The following PRH1 variants were observed in gnomAD, a reference collection of about 807,000 sequenced individuals.
PRH1 encodes salivary acidic proline-rich phosphoprotein 1/2.
A neutral mutation model predicts 7.9 loss-of-function variants in PRH1; 7 were observed. That is an observed-to-expected ratio of 0.89 (90% CI 0.50 to 1.67). PRH1 has a LOEUF of 1.67. PRH1 is among the 40% of genes most tolerant of loss of function. PRH1 has a pLI of 0.00. For synonymous variants in PRH1, 45 were observed against 80.8 expected (o/e 0.56, Z 2.38); for missense variants, 109 against 223.6 (o/e 0.49, Z 3.27).
chr12:11,020,363 G>GATATACATATAT (rs1941545268), intron 1 of PRH1, among the ~76,000 whole-genome samples: 2 of 87,584 alleles, frequency 2.3e-5, no homozygotes, highest in African/African-American at 7.8e-5. Context: ...TATGATAAGC[G>GATATACATATAT]ATATATATAT....
intron 2 of PRH1, among the ~76,000 whole-genome samples, chr12:10,942,204 C>G (rs1950412505): frequency 6.6e-6 from 1 of 152,058 alleles, no homozygotes; most frequent in South Asian, 2.1e-4. Flanking sequence ...GGCCTCCTAC[C>G]AGGAGGTAGT....
chr12:11,148,832 T>C (rs1341084181), intron 1 of PRH1, among the ~76,000 whole-genome samples: 4 of 127,660 alleles, frequency 3.1e-5, no homozygotes, highest in Admixed American at 8.0e-5. Context: ...CCTCTTTTTC[T>C]ATTGATTGGA....
intron 1 of PRH1, chr12:11,030,935 A>AACAG: frequency 6.2e-7 from 1 of 1,614,186 alleles, no homozygotes; most frequent in South Asian, 1.1e-5. Context: ...TAAAGGCCCC[A>AACAG]ACAGCATCAC....
At chr12:10,938,598 A>T (rs772180954) in intron 2 of PRH1, 1 of 1,613,924 alleles carries the variant, frequency 6.2e-7, no homozygotes, top group Non-Finnish European at 8.5e-7. Flanking sequence ...TTCCACATGG[A>T]GAAGATGAGG....
chr12:11,071,507 G>T (rs1839569), intron 1 of PRH1, among the ~76,000 whole-genome samples: 110,891 of 151,922 alleles, frequency 0.73, 42,989 homozygotes, highest in East Asian at 0.96. Context: ...AAGGAATGTA[G>T]AGTAGTTTAT....
intron 1 of PRH1, among the ~76,000 whole-genome samples, chr12:11,144,566 C>G (rs34685506): frequency 1.1e-4 from 16 of 152,000 alleles, no homozygotes; most frequent in Non-Finnish European, 2.9e-5. Flanking sequence ...CAGCCTGTGA[C>G]GTCTGCATGC....
chr12:11,022,619 C>A, intron 1 of PRH1: 2 of 1,328,960 alleles, frequency 1.5e-6, no homozygotes, highest in South Asian at 2.7e-5. Flanking sequence ...TGTTCTGAGT[C>A]CTTTAACATC....
chr12:10,902,029 T>C (rs901843431), intron 2 of PRH1, among the ~76,000 whole-genome samples: 1 of 151,492 alleles, frequency 6.6e-6, no homozygotes, highest in African/African-American at 2.4e-5. Context: ...AAACAAAAGC[T>C]CAGATATGAC....
chr12:10,999,224 T>C (rs1174666512), intron 1 of PRH1, among the ~76,000 whole-genome samples: 1 of 152,158 alleles, frequency 6.6e-6, no homozygotes, highest in Admixed American at 6.6e-5. Flanking sequence ...GAGAAATATG[T>C]GCGCCCTTGT....
At chr12:10,975,509 C>T (rs957003770) in intron 1 of PRH1, among the ~76,000 whole-genome samples, 20 of 152,096 alleles carry the variant, frequency 1.3e-4, no homozygotes, top group Non-Finnish European at 2.2e-4. Context: ...AGTAACCACA[C>T]AACCCAATCT....
In PRH1 at chr12:11,079,773, A is replaced by G. The variant is rs755588968; in HGVS notation, n.124-32585T>C. Among the ~76,000 whole-genome samples the G allele has an allele frequency of 1.7e-5, 2 of 117,348 alleles. 1 individual carries two copies. Among genetic ancestry groups the G allele is most frequent in the Non-Finnish European group, 4.1e-5 (2 of 49,342 alleles). The allele number at this position is 117,348 out of a possible 152,430, so 77.0% of individuals were successfully genotyped here. Reference sequence around the variant, plus strand: ...GGGATTGGCAGGTAACATCATGTCAAGTTTCAGAAAGGTGCAACTAAAATC... The same window carrying G: ...GGGATTGGCAGGTAACATCATGTCAGGTTTCAGAAAGGTGCAACTAAAATC... On this transcript the variant is annotated intron_variant and non_coding_transcript_variant, in intron 1 of 4. Coordinates refer to the PRH1 transcript ENST00000541977.
chr12:11,121,502 C>G (rs1945902403), intron 1 of PRH1, among the ~76,000 whole-genome samples: 1 of 152,048 alleles, frequency 6.6e-6, no homozygotes, highest in African/African-American at 2.4e-5. Flanking sequence ...CATCAGATGT[C>G]AACTTCAAAA....
At chr12:11,161,595 GA>G (rs1364296043) in intron 1 of PRH1, among the ~76,000 whole-genome samples, 1 of 152,130 alleles carries the variant, frequency 6.6e-6, no homozygotes, top group African/African-American at 2.4e-5. Flanking sequence ...GAGAAGATGA[GA>G]AAGGAAAAGA....
intron 2 of PRH1, among the ~76,000 whole-genome samples, chr12:10,924,177 C>T (rs1397238850): frequency 2.0e-5 from 3 of 151,714 alleles, no homozygotes; most frequent in Non-Finnish European, 4.4e-5. Context: ...TTAATAGAGA[C>T]GGGGTTTCAC....
At chr12:11,136,547 A>G (rs1471208059) in intron 1 of PRH1, among the ~76,000 whole-genome samples, 4 of 152,186 alleles carry the variant, frequency 2.6e-5, no homozygotes, top group Admixed American at 2.0e-4. Context: ...AACTACTTCA[A>G]GTAAATTTAC....
intron 1 of PRH1, among the ~76,000 whole-genome samples, chr12:11,070,735 C>G (rs1190020417): frequency 1.5e-5 from 2 of 135,028 alleles, no homozygotes; most frequent in Non-Finnish European, 3.4e-5. Context: ...CCAGCAGAGC[C>G]TGAACTAACA....
chr12:11,099,753 A>G (rs1280510141), intron 1 of PRH1, among the ~76,000 whole-genome samples: 1 of 152,188 alleles, frequency 6.6e-6, no homozygotes, highest in Non-Finnish European at 1.5e-5. Context: ...TGAGATATAT[A>G]TGTCTAATGT....
intron 1 of PRH1, among the ~76,000 whole-genome samples, chr12:11,004,181 C>T (rs921990258): frequency 6.6e-6 from 1 of 152,036 alleles, no homozygotes; most frequent in Admixed American, 6.6e-5. Context: ...AATTTTTGCA[C>T]TTTCATATTT....
chr12:11,155,616 T>C (rs1947227218), intron 1 of PRH1, among the ~76,000 whole-genome samples: 2 of 152,142 alleles, frequency 1.3e-5, no homozygotes, highest in African/African-American at 4.8e-5. Flanking sequence ...ATTTTCTTCT[T>C]GTTTATGACT....
Sources: gnomAD v4.1 joint callset for allele counts (sites outside exome capture counted in the v4.1 genomes callset) on GRCh38, gnomAD v4.1.1 for gene constraint, MANE v1.5 for transcripts, NCBI Gene and HGNC (gene_info 2026-07-23, HGNC 2026-07-21) for gene names.